Variants in CWF19L2 observed in about 807,000 individuals in gnomAD.
CWF19L2 encodes CWF19-like protein 2.
Under a neutral mutation model 111.7 loss-of-function variants are expected in CWF19L2, and 98 were observed. That is an observed-to-expected ratio of 0.88 (90% CI 0.75 to 1.04). The LOEUF is 1.04. CWF19L2 is among the 50% of genes least tolerant of loss of function. The pLI, the probability that CWF19L2 is intolerant of heterozygous loss-of-function variation, is 0.00. For missense variants in CWF19L2, 1,101 were observed against 1,051.4 expected, an observed-to-expected ratio of 1.05 and a Z score of -0.65; for synonymous variants, 351 against 342.9, an observed-to-expected ratio of 1.02 and a Z score of -0.26.
chr11:107,359,475 T>C (rs1172914170), intron 12 of CWF19L2, among the ~76,000 whole-genome samples: 1 of 152,196 alleles, frequency 6.6e-6, no homozygotes, highest in Admixed American at 6.5e-5. Flanking sequence ...CAAACAATGA[T>C]GATCCACAAC....
chr11:107,381,990 C>T (rs1208309136), intron 12 of CWF19L2, among the ~76,000 whole-genome samples: 3 of 151,930 alleles, frequency 2.0e-5, no homozygotes, highest in Admixed American at 6.6e-5. Context: ...TCCTCCCCTC[C>T]GGCCCATGTT....
chr11:107,363,332 G>A (rs376560459), intron 12 of CWF19L2, among the ~76,000 whole-genome samples: 2 of 152,016 alleles, frequency 1.3e-5, no homozygotes, highest in African/African-American at 4.8e-5. Context: ...ATGCCACAAA[G>A]ATACTCCTCG....
At chr11:107,443,101 T>C (rs1861654975) in intron 3 of CWF19L2, 52 bp from the exon 4 acceptor site, 2 of 1,233,854 alleles carry the variant, frequency 1.6e-6, no homozygotes, top group African/African-American at 1.5e-5. Flanking sequence ...TACTTTGATA[T>C]AAAAATTCTG....
At position 107,336,637 on chromosome 11, in the gene CWF19L2, A is replaced by G. The variant is rs772395467; in HGVS notation, c.2279T>C (p.Met760Thr). The G allele has an allele frequency of 2.4e-5, 38 of 1,603,532 alleles. No individual in the cohort carries two copies. The South Asian group carries it at 3.9e-4, about 17-fold the overall frequency. ...ATAAACCATGTGATACTGTTTCTTC[A>G]TGCTCATATTAGTTTCCAAAAAAAT... is the stretch of plus-strand genomic sequence containing the variant. The part of the protein sequence containing the change: ...DCIFLETNMS[M>T]KKQYHMVYEC... Residue 760 changes from methionine to threonine, a missense_variant, in exon 15 of 18, where the codon ATG (methionine) becomes ACG (threonine). Met to Thr is a moderately conservative substitution (Grantham distance 81). Coordinates refer to ENST00000282251, the MANE Select transcript of CWF19L2 (RefSeq NM_152434.3).
chr11:107,382,987 G>C (rs953732015), intron 12 of CWF19L2, among the ~76,000 whole-genome samples: 1 of 152,258 alleles, frequency 6.6e-6, no homozygotes, highest in Non-Finnish European at 1.5e-5. Flanking sequence ...AACACGTAGA[G>C]GTTCCTGGAG....
chr11:107,360,431 T>C (rs1399820099), intron 12 of CWF19L2, among the ~76,000 whole-genome samples: 1 of 152,256 alleles, frequency 6.6e-6, no homozygotes, highest in Non-Finnish European at 1.5e-5. Context: ...TTGTGAACAC[T>C]GCCACAATAG....
intron 5 of CWF19L2, among the ~76,000 whole-genome samples, chr11:107,439,574 G>A (rs1230870510): frequency 1.3e-5 from 2 of 152,168 alleles, no homozygotes; most frequent in African/African-American, 2.4e-5. Flanking sequence ...ACTTCCTAGA[G>A]GAAGTAATAT....
chr11:107,440,524 T>C (rs927478210), intron 5 of CWF19L2, among the ~76,000 whole-genome samples: 1 of 152,282 alleles, frequency 6.6e-6, no homozygotes. Flanking sequence ...TCTTTCAATA[T>C]CTATAGTCAA....
intron 12 of CWF19L2, among the ~76,000 whole-genome samples, chr11:107,378,704 A>AC (rs1300388585): frequency 9.8e-4 from 149 of 152,192 alleles, no homozygotes; most frequent in Non-Finnish European, 1.8e-3. Flanking sequence ...CCAGCATGGC[A>AC]CATGTATACA....
At chr11:107,398,611 G>A (rs1360112478) in intron 10 of CWF19L2, among the ~76,000 whole-genome samples, 2 of 152,170 alleles carry the variant, frequency 1.3e-5, no homozygotes, top group African/African-American at 4.8e-5. Flanking sequence ...AAACATATTT[G>A]GTGGAATAAT....
rs1451337281 is a variant in CWF19L2 at position 107,327,977 on chromosome 11, G to A, written c.2542-924C>T. 1.3e-4 allele frequency among the ~76,000 whole-genome samples: 20 copies of A among 152,162 alleles called. No individual in the cohort carries two copies. In the East Asian group the frequency reaches 2.9e-3, roughly 22 times the overall value. On this transcript the variant is annotated intron_variant, in intron 17 of 17. Transcript: ENST00000282251. ...GACCTACTATGCAGAAGCAAATGCC[G>A]TATGTTGTAGGGGATACAGAGATTG... is the stretch of plus-strand genomic sequence containing the variant.
chr11:107,393,150 T>C (rs1860873424), intron 10 of CWF19L2, among the ~76,000 whole-genome samples: 1 of 152,120 alleles, frequency 6.6e-6, no homozygotes, highest in Non-Finnish European at 1.5e-5. Flanking sequence ...AAATAAAATT[T>C]TCATCTAGAC....
chr11:107,412,344 G>GT (rs1415821946), intron 10 of CWF19L2, among the ~76,000 whole-genome samples: 4 of 152,186 alleles, frequency 2.6e-5, no homozygotes, highest in Middle Eastern at 3.4e-3. Context: ...AGTTTTTTGG[G>GT]TTTTTTTGTT....
At chr11:107,379,391 A>G (rs556196101) in intron 12 of CWF19L2, among the ~76,000 whole-genome samples, 6 of 152,374 alleles carry the variant, frequency 3.9e-5, no homozygotes, top group East Asian at 3.9e-4. Context: ...TAAATCTTCT[A>G]TGGTTCACAG....
Position 107,386,281 on chromosome 11 carries a change from T to G in CWF19L2, c.1872+3793A>C, listed in dbSNP as rs189350562. 2.0e-5 allele frequency among the ~76,000 whole-genome samples: 3 copies of G among 152,254 alleles called. No individual in the cohort carries two copies. The East Asian group carries it at 5.8e-4, about 29-fold the overall frequency. On this transcript the variant is annotated intron_variant, in intron 12 of 17. Coordinates refer to ENST00000282251, the MANE Select transcript of CWF19L2 (RefSeq NM_152434.3). Reference sequence around the variant, plus strand: ...CTCCCACCTTGGCCTCCCAAAGTGCTGGGATTACAGGTGTGAGCCGCCACT... The same window carrying G: ...CTCCCACCTTGGCCTCCCAAAGTGCGGGGATTACAGGTGTGAGCCGCCACT...
Position 107,390,298 on chromosome 11 carries a change from A to G in CWF19L2, c.1735-87T>C, listed in dbSNP as rs1053142346. On this transcript the variant is annotated intron_variant, in intron 11 of 17. Coordinates refer to ENST00000282251, the MANE Select transcript of CWF19L2 (RefSeq NM_152434.3). ...GGATTACATAAATATCTGATGTTAA[A>G]TGTAAAAATCCCACTATGTAATCAC... 3 of 1,087,478 alleles carry G rather than the reference A, an allele frequency of 2.8e-6. No homozygotes were observed. The African/African-American group carries it at 4.9e-5, about 18-fold the overall frequency. 67.4% of individuals were successfully genotyped at this position (1,087,478 alleles called of 1,614,324 possible).
intron 9 of CWF19L2, among the ~76,000 whole-genome samples, chr11:107,417,284 G>A (rs1861240437): frequency 6.6e-6 from 1 of 152,136 alleles, no homozygotes; most frequent in South Asian, 2.1e-4. Flanking sequence ...ACATCTCACT[G>A]TATATTATTT....
chr11:107,424,785 G>A (rs1298151216), intron 8 of CWF19L2, among the ~76,000 whole-genome samples: 1 of 151,828 alleles, frequency 6.6e-6, no homozygotes, highest in African/African-American at 2.4e-5. Context: ...CAAGAATTCT[G>A]AACATCTTTT....
chr11:107,372,461 G>C (rs1312760175), intron 12 of CWF19L2, among the ~76,000 whole-genome samples: 1 of 136,568 alleles, frequency 7.3e-6, no homozygotes, highest in Non-Finnish European at 1.6e-5. Flanking sequence ...CACGGATGGA[G>C]CAGAGGAAGC....
Sources: allele counts gnomAD v4.1 joint callset (sites outside exome capture counted in the v4.1 genomes callset), GRCh38; gene constraint gnomAD v4.1.1; transcripts MANE v1.5; gene names NCBI Gene and HGNC (gene_info 2026-07-23, HGNC 2026-07-21).